Variants in ANKH observed in about 807,000 individuals in gnomAD.
The protein encoded by ANKH is mineralization regulator ANKH.
ANKH carries 15 observed loss-of-function variants against 49.0 expected under a neutral mutation model. The observed-to-expected ratio is 0.31, with a 90% CI of 0.20 to 0.47. ANKH has a LOEUF of 0.47. Among genes scored for constraint, ANKH ranks in the 20% least tolerant of loss-of-function variants. ANKH has a pLI of 1.00. For synonymous variants in ANKH, 273 were observed against 260.0 expected, an observed-to-expected ratio of 1.05 and a Z score of -0.48; for missense variants, 429 against 652.0, an observed-to-expected ratio of 0.66 and a Z score of 3.72.
chr5:14,837,958 T>G (rs1006765387), intron 1 of ANKH, among the ~76,000 whole-genome samples: 78 of 152,196 alleles, frequency 5.1e-4, no homozygotes, highest in African/African-American at 1.8e-3. Context: ...TTCATGTCCT[T>G]TGTAGGGACA....
At chr5:14,796,564 A>G (rs1317091958) in intron 1 of ANKH, among the ~76,000 whole-genome samples, 1 of 152,004 alleles carries the variant, frequency 6.6e-6, no homozygotes, top group Non-Finnish European at 1.5e-5. Flanking sequence ...AAATATATGA[A>G]TATATGGGGA....
At chr5:14,834,488 TA>T in intron 1 of ANKH, among the ~76,000 whole-genome samples, 1 of 152,140 alleles carries the variant, frequency 6.6e-6, no homozygotes, top group East Asian at 1.9e-4. Context: ...ATTTTAAAAA[TA>T]TAAAGATCTG....
At chr5:14,811,131 G>A (rs1561066317) in intron 1 of ANKH, among the ~76,000 whole-genome samples, 1 of 152,092 alleles carries the variant, frequency 6.6e-6, no homozygotes, top group African/African-American at 2.4e-5. Context: ...GCAGCATAAT[G>A]CATTCTGAAC....
chr5:14,871,102 T>C lies in ANKH; in HGVS notation c.96+250A>G, dbSNP rs562926680. On this transcript the variant is annotated intron_variant, in intron 1 of 11. Transcript: ENST00000284268. ...CTGCCGTGCACTAAAAACCCTTCCA[T>C]AGGTGAAGCTTCACACCATCCAGTC... The C allele has an allele frequency of 9.4e-4, 594 of 628,912 alleles. 11 individuals are homozygous for C. Among genetic ancestry groups the C allele is most frequent in the South Asian group, 8.1e-3 (536 of 66,052 alleles). The allele number at this position is 628,912 out of a possible 1,614,324, so 39.0% of individuals were successfully genotyped here.
In ANKH at chr5:14,745,858, A is replaced by G; in HGVS notation, c.915+12T>C. The G allele has an allele frequency of 1.9e-6, 3 of 1,613,782 alleles. No homozygotes were observed. Among genetic ancestry groups the G allele is most frequent in the Non-Finnish European group, 2.5e-6 (3 of 1,179,662 alleles). ...AAGCATGTTTCAGACACGACACCGCACGGGTTCTCACCTTGTCGAAAGCAG... is the reference window on the plus strand; with the variant it reads ...AAGCATGTTTCAGACACGACACCGCGCGGGTTCTCACCTTGTCGAAAGCAG... On this transcript the variant is annotated intron_variant, in intron 7 of 11. Coordinates refer to ENST00000284268, the MANE Select transcript of ANKH (RefSeq NM_054027.6). This position sits in a 1 kb window ranked among gnomAD's most constrained non-coding sequence, Gnocchi z 4.7.
chr5:14,865,622 C>T (rs186843983), intron 1 of ANKH, among the ~76,000 whole-genome samples: 3 of 152,278 alleles, frequency 2.0e-5, no homozygotes, highest in African/African-American at 7.2e-5. Flanking sequence ...GAGGTCCTCT[C>T]CATTGCTCAG....
intron 9 of ANKH, among the ~76,000 whole-genome samples, chr5:14,716,371 T>TA (rs1468731103): frequency 6.6e-6 from 1 of 152,164 alleles, no homozygotes; most frequent in East Asian, 1.9e-4. Context: ...TGGGTGCCTG[T>TA]AGTCCCAGCT....
At chr5:14,797,640 A>G in intron 1 of ANKH, 1 of 1,601,856 alleles carries the variant, frequency 6.2e-7, no homozygotes, top group Non-Finnish European at 8.5e-7. Context: ...AGTATCCCAA[A>G]TCATCAGTTT....
In ANKH at chr5:14,706,517, T is replaced by G. The variant is rs1275535694; in HGVS notation, c.*4680A>C. ...AAAATAAAGTCTAAACTTAAGGTCT[T>G]ATCATCTCGTTTTTCCCTTTTGAGA... On this transcript the variant is annotated 3_prime_UTR_variant, in exon 12 of 12. Coordinates refer to ENST00000284268, the MANE Select transcript of ANKH (RefSeq NM_054027.6). 1 of 152,236 alleles carries G rather than the reference T, an allele frequency of 6.6e-6. No individual in the cohort carries two copies. Among genetic ancestry groups the G allele is most frequent in the Non-Finnish European group, 1.5e-5 (1 of 68,042 alleles). 9.4% of individuals were successfully genotyped at this position (152,236 alleles called of 1,614,324 possible). A position where few individuals can be genotyped will look rare whatever the true frequency, so the allele number is the denominator to read the frequency against.
intron 11 of ANKH, among the ~76,000 whole-genome samples, chr5:14,712,000 CT>C (rs1737231503): frequency 6.6e-6 from 1 of 152,244 alleles, no homozygotes; most frequent in Admixed American, 6.5e-5. Flanking sequence ...TTGTGGCCAC[CT>C]TTTCGATGTC....
At chr5:14,751,262 C>G (rs769143613) in intron 4 of ANKH, 23 bp from the exon 5 acceptor site, 1 of 1,613,074 alleles carries the variant, frequency 6.2e-7, no homozygotes, top group Non-Finnish European at 8.5e-7. Flanking sequence ...AGAACGGGAA[C>G]AGGTCAGAGG....
intron 1 of ANKH, among the ~76,000 whole-genome samples, chr5:14,821,708 A>G (rs1327798766): frequency 1.3e-5 from 2 of 152,228 alleles, no homozygotes; most frequent in East Asian, 3.8e-4. Context: ...CTAACTAAAG[A>G]AAGCACTGTG....
chr5:14,750,144 C>T (rs185098933), intron 5 of ANKH, among the ~76,000 whole-genome samples: 4 of 152,158 alleles, frequency 2.6e-5, no homozygotes, highest in Admixed American at 6.5e-5. Context: ...CTGCTTGATA[C>T]GACAAAGTAA....
intron 3 of ANKH, among the ~76,000 whole-genome samples, chr5:14,757,432 T>TATATATATATA (rs1320876753): frequency 5.1e-4 from 55 of 108,468 alleles, no homozygotes; most frequent in African/African-American, 2.0e-3. Context: ...ATATATATAT[T>TATATATATATA]TTTTTTTTTT....
chr5:14,711,513 CCTGGCACTGAGCTAGG>C (rs1432492796), intron 11 of ANKH, among the ~76,000 whole-genome samples: 1 of 152,202 alleles, frequency 6.6e-6, no homozygotes, highest in African/African-American at 2.4e-5. Flanking sequence ...CTGCTGTGTG[CCTGGCACTGAGCTAGG>C]CAGGCACTTC....
At chr5:14,805,453 A>ACACG (rs1740680647) in intron 1 of ANKH, among the ~76,000 whole-genome samples, 2 of 78,468 alleles carry the variant, frequency 2.5e-5, no homozygotes, top group Non-Finnish European at 4.8e-5. Flanking sequence ...GTGTGTATAT[A>ACACG]TATATGTACA....
intron 1 of ANKH, among the ~76,000 whole-genome samples, chr5:14,822,959 G>A (rs1373896753): frequency 7.9e-5 from 12 of 151,942 alleles, no homozygotes; most frequent in Admixed American, 5.9e-4. Context: ...GCGTGAACCC[G>A]GAAGGCGGAG....
chr5:14,819,376 C>T (rs964549119), intron 1 of ANKH, among the ~76,000 whole-genome samples: 4 of 152,212 alleles, frequency 2.6e-5, no homozygotes, highest in Non-Finnish European at 4.4e-5. Context: ...TGAAAATCTG[C>T]GGCGAGGGCC....
chr5:14,773,240 G>A (rs1739504861), intron 1 of ANKH, among the ~76,000 whole-genome samples: 2 of 151,592 alleles, frequency 1.3e-5, no homozygotes, highest in Admixed American at 1.3e-4. Flanking sequence ...CTTATTGCTC[G>A]AATGTGTTAA....
Sources: gnomAD v4.1 joint callset for allele counts (sites outside exome capture counted in the v4.1 genomes callset) on GRCh38, gnomAD v4.1.1 for gene constraint, Gnocchi (gnomAD v3.1) non-coding constraint, MANE v1.5 for transcripts, NCBI Gene and HGNC (gene_info 2026-07-23, HGNC 2026-07-21) for gene names.